The following KIAA1549L variants were observed in gnomAD, a reference collection of about 807,000 sequenced individuals.
The protein encoded by KIAA1549L is KIAA1549 like.
In KIAA1549L, 88 loss-of-function variants were observed where a neutral mutation model predicts 160.7. That is an observed-to-expected ratio of 0.55 (90% confidence interval 0.46 to 0.65). The LOEUF (loss-of-function observed/expected upper bound fraction) is 0.65. Ranked by LOEUF, KIAA1549L falls within the 30% of genes least tolerant of loss-of-function variation. KIAA1549L has a pLI of 0.00. For missense variants in KIAA1549L, 2,258 were observed against 2,437.5 expected (o/e 0.93, Z 1.55); for synonymous variants, 950 against 976.7 (o/e 0.97, Z 0.51).
chr11:33,576,992 G>A (rs2133253659), intron 10 of KIAA1549L, among the ~76,000 whole-genome samples: 1 of 152,252 alleles, frequency 6.6e-6, no homozygotes, highest in Admixed American at 6.5e-5. Context: ...GGTGGGTTTA[G>A]CTAGAGAGAA....
At chr11:33,498,155 C>T (rs1051979263) in intron 1 of KIAA1549L, among the ~76,000 whole-genome samples, 10 of 152,060 alleles carry the variant, frequency 6.6e-5, no homozygotes, top group Admixed American at 4.6e-4. Context: ...ATTAGCTGGG[C>T]GTGGTGGCAT....
Position 33,542,985 on chromosome 11 carries a change from G to T in KIAA1549L, c.1422G>T (p.Leu474=), listed in dbSNP as rs768498201. ...ACACCTCTTCTTTGGTGCCTTCTCT[G>T]CATATCACCACACTGGGTCAAGAGC... ...AEHTSSLVPS[L]HITTLGQEQA... is the part of the protein sequence containing the mutation. Residue 474 remains leucine (L), a synonymous_variant, in exon 2 of 21, where the codon CTG becomes CTT. Coordinates refer to ENST00000658780, the MANE Select transcript of KIAA1549L (RefSeq NM_012194.3). 1.2e-6 allele frequency: 2 copies of T among 1,614,008 alleles called. No homozygotes were observed. The highest frequency in any genetic ancestry group is 1.7e-6 in the Non-Finnish European group (2 of 1,179,902).
rs116889943 is a variant in KIAA1549L, at chr11:33,489,059, G to A, written c.239-52743G>A. On this transcript the variant is annotated intron_variant, in intron 1 of 20. Transcript: ENST00000658780. The stretch of plus-strand genomic sequence containing the variant: ...CTGAATGCTGTGCTGGCCAGCTGTC[G>A]TTGGGTGATGCTAGCCACTGGAACA... 3.5e-4 allele frequency among the ~76,000 whole-genome samples: 53 copies of A among 152,352 alleles called. No individual in the cohort carries two copies. In the East Asian group the frequency reaches 9.6e-3, roughly 28 times the overall value.
chr11:33,440,498 C>T (rs1851479888), intron 1 of KIAA1549L, among the ~76,000 whole-genome samples: 2 of 152,174 alleles, frequency 1.3e-5, no homozygotes, highest in South Asian at 4.1e-4. Context: ...GAAGCTTAAA[C>T]ATGTGTATTA....
intron 1 of KIAA1549L, among the ~76,000 whole-genome samples, chr11:33,468,205 G>A (rs1237296314): frequency 5.3e-5 from 8 of 152,170 alleles, no homozygotes; most frequent in Non-Finnish European, 8.8e-5. Context: ...GCTCTTCAAA[G>A]GGAACTGCTG....
chr11:33,473,125 CTGTT>C (rs1025837529), intron 1 of KIAA1549L, among the ~76,000 whole-genome samples: 9 of 152,216 alleles, frequency 5.9e-5, no homozygotes, highest in South Asian at 2.1e-4. Flanking sequence ...GCTGTAGTGT[CTGTT>C]TGGGGCTTTT....
At chr11:33,442,869 C>T (rs915386331) in intron 1 of KIAA1549L, among the ~76,000 whole-genome samples, 3 of 152,124 alleles carry the variant, frequency 2.0e-5, no homozygotes, top group Non-Finnish European at 4.4e-5. Flanking sequence ...TAACTTTTGT[C>T]TCTCTGTGCT....
At chr11:33,462,780 T>A (rs1241581076) in intron 1 of KIAA1549L, among the ~76,000 whole-genome samples, 1 of 152,136 alleles carries the variant, frequency 6.6e-6, no homozygotes, top group East Asian at 1.9e-4. Flanking sequence ...ACATTTTTTT[T>A]TTTTATTTTA....
At chr11:33,492,610 ATTTCT>A (rs1590285538) in intron 1 of KIAA1549L, among the ~76,000 whole-genome samples, 1 of 152,080 alleles carries the variant, frequency 6.6e-6, no homozygotes, top group East Asian at 1.9e-4. Flanking sequence ...AAGCCCCTTG[ATTTCT>A]TTTCAAACAC....
Position 33,574,685 on chromosome 11 carries a change from C to T in KIAA1549L, c.4231-17C>T. On this transcript the variant is annotated splice_polypyrimidine_tract_variant and intron_variant, in intron 9 of 20. Coordinates refer to ENST00000658780, the MANE Select transcript of KIAA1549L (RefSeq NM_012194.3). ...GCAAAATGCCCTGCAAACACTCGGC[C>T]TCTCTTTTTCCGAAAGATGGTGAAG... 3 of 1,602,436 alleles carry T rather than the reference C, an allele frequency of 1.9e-6. No individual in the cohort carries two copies. The highest frequency in any genetic ancestry group is 2.6e-6 in the Non-Finnish European group (3 of 1,171,882).
At chr11:33,598,619 C>T (rs533389398) in intron 12 of KIAA1549L, among the ~76,000 whole-genome samples, 4 of 152,174 alleles carry the variant, frequency 2.6e-5, no homozygotes, top group South Asian at 2.1e-4. Flanking sequence ...CACGGCAAAA[C>T]GGACTTCCGA....
intron 6 of KIAA1549L, among the ~76,000 whole-genome samples, chr11:33,552,856 G>A (rs1196853388): frequency 6.6e-6 from 1 of 152,172 alleles, no homozygotes; most frequent in African/African-American, 2.4e-5. Context: ...ACTTCCAGAA[G>A]GTCACACGGT....
intron 4 of KIAA1549L, among the ~76,000 whole-genome samples, chr11:33,550,170 A>C (rs998828726): frequency 6.6e-6 from 1 of 152,082 alleles, no homozygotes; most frequent in African/African-American, 2.4e-5. Context: ...CAGCACACTA[A>C]AAAATAGTTA....
At chr11:33,410,953 T>C (rs1440686923) in intron 1 of KIAA1549L, among the ~76,000 whole-genome samples, 4 of 151,978 alleles carry the variant, frequency 2.6e-5, no homozygotes, top group Admixed American at 2.6e-4. Flanking sequence ...AAGTGAGTAA[T>C]GAGGAAAAGT....
At chr11:33,460,382 C>T (rs1013382134) in intron 1 of KIAA1549L, among the ~76,000 whole-genome samples, 9 of 152,128 alleles carry the variant, frequency 5.9e-5, no homozygotes, top group Non-Finnish European at 1.2e-4. Context: ...ATAGTGCAGC[C>T]CAAGTCTGCT....
At chr11:33,578,744 G>C (rs1259632083) in intron 10 of KIAA1549L, among the ~76,000 whole-genome samples, 1 of 152,164 alleles carries the variant, frequency 6.6e-6, no homozygotes, top group Non-Finnish European at 1.5e-5. Flanking sequence ...CCACATAGGG[G>C]TTTTCATCCT....
At position 33,498,156 on chromosome 11, in the gene KIAA1549L, G is replaced by A. The variant is rs890222966; in HGVS notation, c.239-43646G>A. ...ATAAAAATAAAAAAATTAGCTGGGC[G>A]TGGTGGCATGCACCTGTGGTCCCAG... On this transcript the variant is annotated intron_variant, in intron 1 of 20. Transcript: ENST00000658780. Among the ~76,000 whole-genome samples the A allele has an allele frequency of 8.5e-5, 13 of 152,284 alleles. No homozygotes were observed. The South Asian group carries it at 2.1e-3, about 24-fold the overall frequency.
intron 16 of KIAA1549L, 91 bp from the exon 17 acceptor site, chr11:33,645,595 A>C: frequency 1.1e-6 from 1 of 935,038 alleles, no homozygotes; most frequent in East Asian, 2.4e-5. Context: ...GCATCCTAGC[A>C]CCTGTCCAAG....
intron 17 of KIAA1549L, among the ~76,000 whole-genome samples, chr11:33,647,813 G>T (rs1026889193): frequency 6.6e-6 from 1 of 151,860 alleles, no homozygotes; most frequent in African/African-American, 2.4e-5. Context: ...TCCATTGTGG[G>T]TCATATGATG....
Sources: allele counts gnomAD v4.1 joint callset (sites outside exome capture counted in the v4.1 genomes callset), GRCh38; gene constraint gnomAD v4.1.1; transcripts MANE v1.5; gene names NCBI Gene and HGNC (gene_info 2026-07-23, HGNC 2026-07-21).